SUMF1: variants seen among roughly 807,000 people sequenced by gnomAD.
SUMF1 encodes formylglycine-generating enzyme.
A neutral mutation model predicts 47.6 loss-of-function variants in SUMF1; 48 were observed. The ratio of observed to expected loss-of-function variants is 1.01; its 90% CI spans 0.80 to 1.28. SUMF1 has a LOEUF of 1.28. Ranked by LOEUF, SUMF1 falls within the 50% of genes most tolerant of loss-of-function variation. SUMF1 has a pLI of 0.00. For missense variants in SUMF1, 571 were observed against 485.4 expected (o/e 1.18, Z -1.66); for synonymous variants, 230 against 192.1 (o/e 1.20, Z -1.63).
intron 7 of SUMF1, among the ~76,000 whole-genome samples, chr3:4,385,932 G>A (rs909388224): frequency 6.6e-6 from 1 of 152,076 alleles, no homozygotes; most frequent in African/African-American, 2.4e-5. Context: ...AAAATCAGTT[G>A]GGCATCATAT....
At chr3:4,151,057 G>A (rs966277858) in intron 8 of SUMF1, among the ~76,000 whole-genome samples, 1 of 151,356 alleles carries the variant, frequency 6.6e-6, no homozygotes, top group African/African-American at 2.5e-5. Context: ...GAGGATTAAC[G>A]TCTGGTGGGG....
chr3:4,314,247 T>C (rs1482434510), intron 8 of SUMF1: 4 of 158,748 alleles, frequency 2.5e-5, no homozygotes, highest in Admixed American at 1.3e-4. Context: ...AGGTGAGAAA[T>C]AGTCTCTCCC....
chr3:4,100,433 T>C (rs1693007006), intron 8 of SUMF1, among the ~76,000 whole-genome samples: 1 of 151,894 alleles, frequency 6.6e-6, no homozygotes, highest in African/African-American at 2.4e-5. Flanking sequence ...AGAACACTAA[T>C]GGGGAAAAGA....
At chr3:4,167,848 T>C (rs758781511) in intron 8 of SUMF1, among the ~76,000 whole-genome samples, 2 of 152,202 alleles carry the variant, frequency 1.3e-5, no homozygotes, top group East Asian at 3.8e-4. Flanking sequence ...AGGAGGAAGA[T>C]AGAGCAGGCA....
At chr3:4,252,716 G>T (rs969180774) in intron 8 of SUMF1, among the ~76,000 whole-genome samples, 1 of 151,930 alleles carries the variant, frequency 6.6e-6, no homozygotes, top group Non-Finnish European at 1.5e-5. Context: ...TTAATGAAGG[G>T]GAAAATCCAT....
At chr3:4,251,676 G>A (rs1696804826) in intron 8 of SUMF1, among the ~76,000 whole-genome samples, 1 of 152,140 alleles carries the variant, frequency 6.6e-6, no homozygotes, top group Admixed American at 6.5e-5. Flanking sequence ...TTTGAAGCTA[G>A]GCTTCTCTCT....
At chr3:4,271,719 C>G (rs1441741199) in intron 8 of SUMF1, among the ~76,000 whole-genome samples, 1 of 152,130 alleles carries the variant, frequency 6.6e-6, no homozygotes, top group Non-Finnish European at 1.5e-5. Flanking sequence ...CCAGGCTACT[C>G]TCAAACTCCT....
chr3:4,303,790 G>T, intron 8 of SUMF1: 1 of 1,420,262 alleles, frequency 7.0e-7, no homozygotes, highest in South Asian at 1.2e-5. Context: ...CTGGCTTTTT[G>T]TCCAGTCCTG....
intron 1 of SUMF1, among the ~76,000 whole-genome samples, chr3:4,460,746 C>T (rs1459520407): frequency 2.6e-5 from 4 of 151,792 alleles, no homozygotes; most frequent in Non-Finnish European, 4.4e-5. Flanking sequence ...CACCCTTGAT[C>T]GTCTGGTCTC....
At chr3:4,248,993 A>T (rs1356351325) in intron 8 of SUMF1, among the ~76,000 whole-genome samples, 1 of 152,178 alleles carries the variant, frequency 6.6e-6, no homozygotes, top group Non-Finnish European at 1.5e-5. Context: ...GTGCATCTGC[A>T]TGATCTTTCG....
In SUMF1 at chr3:4,090,392, T is replaced by C. The variant is rs1442061327; in HGVS notation, c.1015-21647A>G. Among the ~76,000 whole-genome samples the C allele has an allele frequency of 2.0e-5, 3 of 152,080 alleles. No individual in the cohort carries two copies. In the East Asian group the frequency reaches 5.8e-4, roughly 29 times the overall value. ...TCTAAGTTGTCCCACTCAGAATAAA[T>C]GCAGCTATGTGTGAGTGCACATTGT... On this transcript the variant is annotated intron_variant and NMD_transcript_variant, in intron 8 of 12. Transcript: ENST00000448413.
chr3:4,336,454 G>C (rs1699155211), intron 8 of SUMF1, among the ~76,000 whole-genome samples: 1 of 152,136 alleles, frequency 6.6e-6, no homozygotes, highest in Admixed American at 6.5e-5. Context: ...GAGCAAATGA[G>C]GCTATGACAC....
intron 8 of SUMF1, among the ~76,000 whole-genome samples, chr3:4,203,043 C>A (rs547255940): frequency 1.3e-5 from 2 of 151,830 alleles, no homozygotes; most frequent in Admixed American, 1.3e-4. Context: ...GAAAAATGTA[C>A]TGAGAAGCAG....
intron 8 of SUMF1, among the ~76,000 whole-genome samples, chr3:4,355,299 G>A (rs1243626185): frequency 1.3e-5 from 2 of 152,248 alleles, no homozygotes; most frequent in African/African-American, 4.8e-5. Context: ...AGAGGCTGTA[G>A]TGAGCCATGA....
intron 8 of SUMF1, chr3:4,317,230 G>A: frequency 6.5e-7 from 1 of 1,538,168 alleles, no homozygotes; most frequent in African/African-American, 1.4e-5. Flanking sequence ...GATTGTAATG[G>A]TTCCTATTTT....
intron 8 of SUMF1, among the ~76,000 whole-genome samples, chr3:4,121,780 G>A (rs1225555065): frequency 6.6e-6 from 1 of 151,998 alleles, no homozygotes; most frequent in Non-Finnish European, 1.5e-5. Flanking sequence ...GTAAACTACT[G>A]TCATGAGGGT....
chr3:4,421,273 T>C (rs568716435), intron 3 of SUMF1, among the ~76,000 whole-genome samples: 2 of 152,146 alleles, frequency 1.3e-5, no homozygotes, highest in African/African-American at 2.4e-5. Flanking sequence ...GGGATACAGA[T>C]AGTAACAGCA....
chr3:4,048,260 A>G (rs542188783), intron 9 of SUMF1, among the ~76,000 whole-genome samples: 2 of 152,324 alleles, frequency 1.3e-5, no homozygotes, highest in East Asian at 1.9e-4. Context: ...CATTGGTCAT[A>G]TAGAATCAAT....
chr3:4,380,182 G>C (rs375402110), intron 7 of SUMF1, among the ~76,000 whole-genome samples: 8 of 152,162 alleles, frequency 5.3e-5, no homozygotes, highest in African/African-American at 1.9e-4. Context: ...ATATCCATCA[G>C]CAGTGGACTG....
Sources: allele counts gnomAD v4.1 joint callset (sites outside exome capture counted in the v4.1 genomes callset), GRCh38; gene constraint gnomAD v4.1.1; transcripts MANE v1.5; gene names NCBI Gene and HGNC (gene_info 2026-07-23, HGNC 2026-07-21).